Variants in YY1 observed in about 807,000 individuals in gnomAD.
The protein encoded by YY1 is transcriptional repressor protein YY1.
Under a neutral mutation model 35.6 loss-of-function variants are expected in YY1, and 2 were observed. The ratio of observed to expected loss-of-function variants is 0.06; its 90% CI spans 0.02 to 0.18. The LOEUF is 0.18. YY1 is among the 10% of genes least tolerant of loss of function. The pLI is 1.00. For synonymous variants in YY1, 268 were observed against 238.9 expected (o/e 1.12, Z -1.12); for missense variants, 322 against 573.4 (o/e 0.56, Z 4.48).
chr14:100,270,891 T>C (rs1891227659), intron 2 of YY1, among the ~76,000 whole-genome samples: 1 of 151,588 alleles, frequency 6.6e-6, no homozygotes, highest in South Asian at 2.1e-4. Flanking sequence ...AATAAAACAA[T>C]GTTTCAGTAG....
At chr14:100,266,313 G>T (rs1891154582) in intron 2 of YY1, among the ~76,000 whole-genome samples, 1 of 152,136 alleles carries the variant, frequency 6.6e-6, no homozygotes, top group Non-Finnish European at 1.5e-5. Context: ...AATAGAAGGA[G>T]ACTCAGGAGG....
Position 100,239,210 on chromosome 14 carries a change from AGGCCGCCGCG to A in YY1, c.-33_-24del. 6.9e-7 allele frequency: 1 copy of A among 1,443,816 alleles called. No individual in the cohort carries two copies. 89.4% of individuals were successfully genotyped at this position (1,443,816 alleles called of 1,614,324 possible). ...CCGCCCGCCCGCAGCCGAGGAGCCG[AGGCCGCCGCG>A]GCCGTGGCGGCGGAGCCCTCAGCCA... On this transcript the variant is annotated 5_prime_UTR_variant, in exon 1 of 5. Transcript: ENST00000262238.
rs559710136 is a variant in YY1, at chr14:100,256,935, C to G, written c.680-5369C>G. Among the ~76,000 whole-genome samples the G allele has an allele frequency of 7.2e-5, 11 of 151,738 alleles. No individual in the cohort carries two copies. The South Asian group carries it at 2.1e-3, about 29-fold the overall frequency. On this transcript the variant is annotated intron_variant, in intron 1 of 4. Coordinates refer to ENST00000262238, the MANE Select transcript of YY1 (RefSeq NM_003403.5). ...GGCCAACTGGCTGTACTAGTTGATT[C>G]CTGATATAGGTCATAAAGTCTTGTC...
chr14:100,271,056 T>C (rs527673618), intron 2 of YY1, among the ~76,000 whole-genome samples: 6 of 151,828 alleles, frequency 4.0e-5, no homozygotes, highest in Middle Eastern at 3.4e-3. Context: ...CCATCCTGGC[T>C]AACACGGTAA....
intron 1 of YY1, among the ~76,000 whole-genome samples, chr14:100,240,247 C>T (rs1049116527): frequency 9.2e-6 from 1 of 108,292 alleles, no homozygotes; most frequent in Non-Finnish European, 2.4e-5. Context: ...CCTCGCTCCC[C>T]GCGCCCGCAT....
At chr14:100,241,833 G>T (rs1292259808) in intron 1 of YY1, among the ~76,000 whole-genome samples, 3 of 152,090 alleles carry the variant, frequency 2.0e-5, no homozygotes, top group Non-Finnish European at 1.5e-5. Flanking sequence ...AATTAGCCAG[G>T]CGTGATGGCG....
chr14:100,270,078 C>T (rs760026690), intron 2 of YY1, among the ~76,000 whole-genome samples: 4 of 150,966 alleles, frequency 2.6e-5, no homozygotes, highest in Admixed American at 6.6e-5. Context: ...CTGGCTAGCA[C>T]GGTAAAACCC....
In YY1 at chr14:100,277,665, TATGCCTCTCC is replaced by T. The variant is rs1595335335; in HGVS notation, c.*66_*75del. The T allele has an allele frequency of 2.7e-6, 4 of 1,506,078 alleles. No individual in the cohort carries two copies. The highest frequency in any genetic ancestry group is 4.6e-5 in the East Asian group (2 of 43,070). The allele number at this position is 1,506,078 out of a possible 1,614,324, so 93.3% of individuals were successfully genotyped here. ...TTCCAGAAGTGTGATTGGGAATAAA[TATGCCTCTCC>T]TTTGTATATTATTTCTAGGAAGAAT... On this transcript the variant is annotated 3_prime_UTR_variant, in exon 5 of 5. Coordinates refer to ENST00000262238, the MANE Select transcript of YY1 (RefSeq NM_003403.5). This position sits in a 1 kb window ranked among gnomAD's most constrained non-coding sequence, Gnocchi z 5.6.
chr14:100,243,755 G>A (rs947289638), intron 1 of YY1, among the ~76,000 whole-genome samples: 2 of 151,152 alleles, frequency 1.3e-5, no homozygotes, highest in Admixed American at 6.6e-5. Context: ...CTGCAAGTCA[G>A]CGGTGATTAC....
chr14:100,249,756 T>TTG (rs1555369510), intron 1 of YY1, among the ~76,000 whole-genome samples: 6 of 89,434 alleles, frequency 6.7e-5, no homozygotes, highest in Admixed American at 1.1e-4. Flanking sequence ...CCGTTTTTTT[T>TTG]TTTGTTTGTT....
chr14:100,275,016 T>C (rs1891298968), intron 3 of YY1, among the ~76,000 whole-genome samples: 2 of 152,186 alleles, frequency 1.3e-5, no homozygotes, highest in South Asian at 4.1e-4. Context: ...CATTTCTTTT[T>C]GGATTATATT....
chr14:100,250,569 A>T (rs756971288), intron 1 of YY1, among the ~76,000 whole-genome samples: 2 of 152,196 alleles, frequency 1.3e-5, no homozygotes, highest in Non-Finnish European at 2.9e-5. Flanking sequence ...AAAGGAACTT[A>T]TACTACCTTC....
In YY1 at chr14:100,262,562, A is replaced by G. The variant is rs1219769372; in HGVS notation, c.842+96A>G. On this transcript the variant is annotated intron_variant, in intron 2 of 4. Coordinates refer to ENST00000262238, the MANE Select transcript of YY1 (RefSeq NM_003403.5). ...TGCCTAAGTCAAAATGGTGGTTTGT[A>G]TTCTTTCTCTAGGGAAATTCCTGAA... The G allele has an allele frequency of 6.2e-5, 81 of 1,314,858 alleles. 1 individual carries two copies. The highest frequency in any genetic ancestry group is 2.3e-5 in the East Asian group (1 of 42,728). The allele number at this position is 1,314,858 out of a possible 1,614,324, so 81.4% of individuals were successfully genotyped here.
chr14:100,270,496 G>A (rs1022026615), intron 2 of YY1, among the ~76,000 whole-genome samples: 28 of 149,044 alleles, frequency 1.9e-4, no homozygotes, highest in East Asian at 4.0e-4. Context: ...GGTGGCACGC[G>A]CCTGTAATCC....
chr14:100,269,750 C>T (rs1891206819), intron 2 of YY1, among the ~76,000 whole-genome samples: 1 of 152,190 alleles, frequency 6.6e-6, no homozygotes, highest in Admixed American at 6.5e-5. Flanking sequence ...AAATCTTCCA[C>T]TTACTCCTTA....
At chr14:100,259,728 T>TA (rs1373876346) in intron 1 of YY1, among the ~76,000 whole-genome samples, 1 of 152,120 alleles carries the variant, frequency 6.6e-6, no homozygotes, top group Admixed American at 6.5e-5. Context: ...AACTCACACT[T>TA]ACTGAAACCT....
chr14:100,273,505 G>T (rs779580559), intron 2 of YY1, among the ~76,000 whole-genome samples: 2 of 151,900 alleles, frequency 1.3e-5, no homozygotes, highest in Non-Finnish European at 2.9e-5. Context: ...ATAGAGACAG[G>T]GTTTTGTCCA....
intron 2 of YY1, among the ~76,000 whole-genome samples, chr14:100,267,551 G>A (rs1891173430): frequency 6.6e-6 from 1 of 150,932 alleles, no homozygotes; most frequent in Non-Finnish European, 1.5e-5. Context: ...TTTAAATGGA[G>A]TCTTGCTCTG....
rs764308800 is a variant in YY1 at position 100,276,665 on chromosome 14, C to G, written c.1062+17C>G. 40 of 1,613,974 alleles carry G rather than the reference C, an allele frequency of 2.5e-5. No individual in the cohort carries two copies. The highest frequency in any genetic ancestry group is 3.2e-5 in the Non-Finnish European group (38 of 1,180,006). ...CCCTTTCAGGTAGAGCCAGTTCCCT[C>G]TCTTCCCCACACTGCCTTGCCTGTC... On this transcript the variant is annotated intron_variant, in intron 4 of 4. Coordinates refer to ENST00000262238, the MANE Select transcript of YY1 (RefSeq NM_003403.5). This position sits in a 1 kb window ranked among gnomAD's most constrained non-coding sequence, Gnocchi z 4.1.
Sources: gnomAD v4.1 joint callset for allele counts (sites outside exome capture counted in the v4.1 genomes callset) on GRCh38, gnomAD v4.1.1 for gene constraint, Gnocchi (gnomAD v3.1) non-coding constraint, MANE v1.5 for transcripts, NCBI Gene and HGNC (gene_info 2026-07-23, HGNC 2026-07-21) for gene names.